The following NELL1 variants were observed in gnomAD, a reference collection of about 807,000 sequenced individuals.
NELL1 encodes neural EGFL like 1, also known as protein kinase C-binding protein NELL1.
Under a neutral mutation model 107.4 loss-of-function variants are expected in NELL1, and 76 were observed. The ratio of observed to expected loss-of-function variants is 0.71; its 90% CI spans 0.59 to 0.86. NELL1 has a LOEUF of 0.86. NELL1 is among the 40% of genes least tolerant of loss of function. The pLI is 0.00. For synonymous variants in NELL1, 353 were observed against 341.2 expected (o/e 1.03, Z -0.38); for missense variants, 1,024 against 1,005.5 (o/e 1.02, Z -0.25).
intron 14 of NELL1, among the ~76,000 whole-genome samples, chr11:21,318,284 C>T (rs768491357): frequency 2.0e-4 from 30 of 152,100 alleles, no homozygotes; most frequent in Non-Finnish European, 3.5e-4. Flanking sequence ...GTATGTAATT[C>T]ATGTTCTTAA....
chr11:20,718,534 A>G (rs1028261443), intron 2 of NELL1, among the ~76,000 whole-genome samples: 1 of 152,046 alleles, frequency 6.6e-6, no homozygotes, highest in African/African-American at 2.4e-5. Flanking sequence ...TGCTAGGCAC[A>G]GTACTGGGTA....
At chr11:21,214,246 C>T (rs961463425) in intron 13 of NELL1, among the ~76,000 whole-genome samples, 9 of 152,104 alleles carry the variant, frequency 5.9e-5, no homozygotes, top group African/African-American at 2.2e-4. Context: ...CTTTGACAAT[C>T]GTGTCAGCAC....
intron 14 of NELL1, among the ~76,000 whole-genome samples, chr11:21,241,007 T>C (rs753681410): frequency 2.6e-5 from 4 of 152,054 alleles, no homozygotes; most frequent in Non-Finnish European, 5.9e-5. Flanking sequence ...GTTACATAGA[T>C]GTTTGTTAAC....
chr11:21,458,781 A>G (rs960843703), intron 15 of NELL1, among the ~76,000 whole-genome samples: 3 of 152,174 alleles, frequency 2.0e-5, no homozygotes, highest in Non-Finnish European at 4.4e-5. Flanking sequence ...TTTTAGGTGC[A>G]GTATCATCTC....
intron 12 of NELL1, among the ~76,000 whole-genome samples, chr11:21,047,983 G>T (rs986947281): frequency 2.0e-5 from 3 of 152,144 alleles, no homozygotes; most frequent in Admixed American, 2.0e-4. Flanking sequence ...GAGGTCTTTT[G>T]CCTTTACACC....
chr11:21,429,580 C>CT (rs754529052), intron 15 of NELL1, among the ~76,000 whole-genome samples: 12 of 152,156 alleles, frequency 7.9e-5, no homozygotes, highest in Non-Finnish European at 1.3e-4. Flanking sequence ...AGCAAGTTTG[C>CT]TGTTCCAAAC....
chr11:21,369,119 T>C lies in NELL1; in HGVS notation c.1550-1734T>C, dbSNP rs1851299125. 2.6e-5 allele frequency among the ~76,000 whole-genome samples: 4 copies of C among 152,100 alleles called. No homozygotes were observed. The South Asian group carries it at 8.3e-4, about 31-fold the overall frequency. On this transcript the variant is annotated intron_variant, in intron 14 of 19. Transcript: ENST00000357134. ...ATGAAGTGCAGTTTCAACTCTGCAC[T>C]AAAGAAACCCAAGCTGAACCTTCTC... is the stretch of plus-strand genomic sequence containing the variant.
At chr11:21,037,047 G>A (rs1853109664) in intron 12 of NELL1, among the ~76,000 whole-genome samples, 1 of 151,632 alleles carries the variant, frequency 6.6e-6, no homozygotes, top group Non-Finnish European at 1.5e-5. Flanking sequence ...ATTATCATAG[G>A]GATCCTGTGA....
chr11:21,294,095 G>A (rs990484493), intron 14 of NELL1, among the ~76,000 whole-genome samples: 3 of 151,996 alleles, frequency 2.0e-5, no homozygotes, highest in Admixed American at 6.6e-5. Flanking sequence ...GTAATAAAAT[G>A]AAGTATATAA....
At chr11:21,277,070 C>T (rs1371686265) in intron 14 of NELL1, among the ~76,000 whole-genome samples, 3 of 151,382 alleles carry the variant, frequency 2.0e-5, no homozygotes, top group Non-Finnish European at 4.4e-5. Context: ...AACTAAAGAG[C>T]TTCTGCACAG....
At chr11:21,241,759 GT>G (rs1007187877) in intron 14 of NELL1, among the ~76,000 whole-genome samples, 2 of 151,642 alleles carry the variant, frequency 1.3e-5, no homozygotes, top group Non-Finnish European at 2.9e-5. Flanking sequence ...TTATGTGTTT[GT>G]TTTTTTCATT....
intron 2 of NELL1, among the ~76,000 whole-genome samples, chr11:20,708,362 C>T (rs1855026165): frequency 6.6e-6 from 1 of 152,232 alleles, no homozygotes; most frequent in Non-Finnish European, 1.5e-5. Context: ...TGACAAGCCC[C>T]AGTGAGATGA....
chr11:21,089,636 T>C (rs1441715471), intron 12 of NELL1, among the ~76,000 whole-genome samples: 2 of 152,198 alleles, frequency 1.3e-5, no homozygotes, highest in East Asian at 3.9e-4. Context: ...TATTTGTTTC[T>C]GCAAGCTGCA....
intron 15 of NELL1, among the ~76,000 whole-genome samples, chr11:21,451,513 G>A (rs952000048): frequency 1.3e-5 from 2 of 152,072 alleles, no homozygotes; most frequent in Non-Finnish European, 2.9e-5. Flanking sequence ...ATTACAAGGA[G>A]GCTTTTCTTC....
chr11:20,920,327 G>A (rs1348781265), intron 7 of NELL1, among the ~76,000 whole-genome samples: 2 of 152,070 alleles, frequency 1.3e-5, no homozygotes, highest in Non-Finnish European at 2.9e-5. Flanking sequence ...CAAAAAAATT[G>A]GTGGGTAGAT....
At chr11:21,317,180 A>G (rs915067305) in intron 14 of NELL1, among the ~76,000 whole-genome samples, 3 of 152,032 alleles carry the variant, frequency 2.0e-5, no homozygotes, top group Non-Finnish European at 4.4e-5. Flanking sequence ...CTACATTACT[A>G]TTTCCAAAAC....
chr11:21,425,261 A>G (rs1852790557), intron 15 of NELL1, among the ~76,000 whole-genome samples: 1 of 150,382 alleles, frequency 6.6e-6, no homozygotes, highest in Non-Finnish European at 1.5e-5. Context: ...TAAAATTCAT[A>G]TAGAATTTCA....
intron 12 of NELL1, among the ~76,000 whole-genome samples, chr11:21,046,253 C>T (rs1344141714): frequency 1.3e-5 from 2 of 152,142 alleles, no homozygotes; most frequent in Non-Finnish European, 2.9e-5. Flanking sequence ...TAAGAGTACA[C>T]TTCTTATTCT....
intron 12 of NELL1, among the ~76,000 whole-genome samples, chr11:20,960,984 A>T (rs1329436480): frequency 6.6e-6 from 1 of 152,098 alleles, no homozygotes; most frequent in East Asian, 1.9e-4. Context: ...TGTCTCCTTG[A>T]CCTGACAAGA....
Sources: gnomAD v4.1 joint callset for allele counts (sites outside exome capture counted in the v4.1 genomes callset) on GRCh38, gnomAD v4.1.1 for gene constraint, MANE v1.5 for transcripts, NCBI Gene and HGNC (gene_info 2026-07-23, HGNC 2026-07-21) for gene names.